Variants in ATRX observed in about 807,000 individuals in gnomAD.
The protein encoded by ATRX is chromatin remodeler ATRX.
A neutral mutation model predicts 172.6 loss-of-function variants in ATRX; 12 were observed. That is an observed-to-expected ratio of 0.07 (90% confidence interval 0.04 to 0.11). The LOEUF is 0.11. Among genes scored for constraint, ATRX ranks in the 10% least tolerant of loss-of-function variants. The pLI is 1.00. For missense variants in ATRX, 1,368 were observed against 1,767.4 expected, an observed-to-expected ratio of 0.77 and a Z score of 4.05; for synonymous variants, 674 against 594.7, an observed-to-expected ratio of 1.13 and a Z score of -1.94.
At chrX:77,735,526 A>AGCTTGCAGT (rs1209953812) in intron 1 of ATRX, among the ~76,000 whole-genome samples, 1 of 109,044 alleles carries the variant, frequency 9.2e-6, no homozygotes, top group Non-Finnish European at 1.9e-5. Context: ...CGGGAGGCGG[A>AGCTTGCAGT]GCTTGCAGTG....
chrX:77,711,864 T>C (rs2073129065), intron 2 of ATRX, among the ~76,000 whole-genome samples: 1 of 111,786 alleles, frequency 8.9e-6, no homozygotes, highest in South Asian at 3.7e-4. Flanking sequence ...AACAAACAGA[T>C]AGTTAACTTA....
intron 1 of ATRX, among the ~76,000 whole-genome samples, chrX:77,779,935 T>G (rs1327445838): frequency 8.9e-6 from 1 of 111,952 alleles, no homozygotes; most frequent in East Asian, 2.8e-4. Context: ...GCAGCTACAG[T>G]GCAAAATTCA....
At chrX:77,610,868 T>A (rs1022960271) in intron 22 of ATRX, among the ~76,000 whole-genome samples, 1 of 108,488 alleles carries the variant, frequency 9.2e-6, no homozygotes, top group South Asian at 3.9e-4. Flanking sequence ...TTCATTATTA[T>A]AAATAATGCC....
chrX:77,704,951 T>C lies in ATRX; in HGVS notation c.134-6322A>G, dbSNP rs781890476. ...TGGGGCAGGGCTCCTGCCTGCCCCA[T>C]AAAGCAGGAGGCCCAGGTCTATACC... On this transcript the variant is annotated intron_variant, in intron 2 of 34. Coordinates refer to ENST00000373344, the MANE Select transcript of ATRX (RefSeq NM_000489.6). 1.6e-4 allele frequency among the ~76,000 whole-genome samples: 18 copies of C among 109,370 alleles called. No individual in the cohort carries two copies. The East Asian group carries it at 4.8e-3, about 29-fold the overall frequency. The allele number at this position is 109,370 out of a possible 115,157, so 95.0% of individuals were successfully genotyped here.
At chrX:77,749,874 T>C (rs2075234409) in intron 1 of ATRX, among the ~76,000 whole-genome samples, 1 of 110,681 alleles carries the variant, frequency 9.0e-6, no homozygotes, top group South Asian at 3.8e-4. Context: ...CCATTAGTCA[T>C]GGACACTGTC....
At chrX:77,705,858 C>T (rs1331168168) in intron 2 of ATRX, among the ~76,000 whole-genome samples, 10 of 112,575 alleles carry the variant, frequency 8.9e-5, no homozygotes, top group African/African-American at 1.9e-4. Context: ...CAAAACTACA[C>T]AACAACTTTG....
intron 28 of ATRX, among the ~76,000 whole-genome samples, chrX:77,571,005 A>G (rs2065392420): frequency 9.0e-6 from 1 of 110,569 alleles, no homozygotes; most frequent in Non-Finnish European, 1.9e-5. Context: ...TAAGACCACA[A>G]TAAGATACCA....
chrX:77,564,437 G>C (rs1284880699), intron 28 of ATRX, among the ~76,000 whole-genome samples: 1 of 110,637 alleles, frequency 9.0e-6, no homozygotes, highest in African/African-American at 3.3e-5. Context: ...CCACACTGGA[G>C]TGCAATGGCA....
intron 30 of ATRX, among the ~76,000 whole-genome samples, chrX:77,553,651 T>C (rs1184295169): frequency 8.9e-6 from 1 of 111,891 alleles, no homozygotes; most frequent in African/African-American, 3.2e-5. Context: ...ATGTTATGCA[T>C]GTGCTTCTTT....
intron 29 of ATRX, 90 bp from the exon 30 acceptor site, chrX:77,557,735 GA>G: frequency 1.2e-6 from 1 of 830,006 alleles, no homozygotes; most frequent in Non-Finnish European, 1.7e-6. Context: ...TGGTTAATAT[GA>G]AATGGTAAAA....
chrX:77,674,943 C>A (rs563556703), intron 10 of ATRX: 3 of 111,500 alleles, frequency 2.7e-5, no homozygotes, highest in African/African-American at 9.7e-5. Flanking sequence ...CAAGCAGAAT[C>A]TGAATATTTG....
At chrX:77,671,405 T>C (rs2070610796) in intron 10 of ATRX, among the ~76,000 whole-genome samples, 2 of 106,999 alleles carry the variant, frequency 1.9e-5, no homozygotes, top group Admixed American at 2.0e-4. Flanking sequence ...TTTAAAAAAA[T>C]CTTGGAGGTA....
intron 27 of ATRX, among the ~76,000 whole-genome samples, chrX:77,584,935 T>A (rs782284715): frequency 9.0e-6 from 1 of 111,402 alleles, no homozygotes; most frequent in Non-Finnish European, 1.9e-5. Context: ...AACCGGAATA[T>A]ATAAAGAACT....
intron 22 of ATRX, chrX:77,616,201 T>G (rs2067352710): frequency 1.2e-6 from 1 of 834,728 alleles, no homozygotes; most frequent in Admixed American, 6.8e-5. Context: ...TATTTTACTT[T>G]TGCCTTCAAC....
intron 30 of ATRX, among the ~76,000 whole-genome samples, chrX:77,527,125 A>T (rs1276196931): frequency 8.9e-6 from 1 of 112,408 alleles, no homozygotes; most frequent in Non-Finnish European, 1.9e-5. Flanking sequence ...AAACCAGGAA[A>T]TAACTACCAG....
chrX:77,672,060 A>G (rs1439331836), intron 10 of ATRX, among the ~76,000 whole-genome samples: 5 of 111,303 alleles, frequency 4.5e-5, no homozygotes, highest in African/African-American at 1.6e-4. Flanking sequence ...TGTGCTATAC[A>G]GACAAAGGAA....
chrX:77,686,500 G>C (rs1172796631), intron 7 of ATRX, among the ~76,000 whole-genome samples: 1 of 111,806 alleles, frequency 8.9e-6, no homozygotes, highest in African/African-American at 3.3e-5. Flanking sequence ...TGGATCACCT[G>C]AGGTCAGGAG....
chrX:77,629,999 C>CA (rs2068041210), intron 19 of ATRX, among the ~76,000 whole-genome samples: 1 of 112,407 alleles, frequency 8.9e-6, no homozygotes, highest in South Asian at 3.6e-4. Flanking sequence ...CGCACACATA[C>CA]AACTATTAGA....
intron 2 of ATRX, 39 bp from the exon 3 acceptor site, chrX:77,698,668 G>T: frequency 9.3e-7 from 1 of 1,076,830 alleles, no homozygotes; most frequent in Non-Finnish European, 1.3e-6. Flanking sequence ...TTATCTCTTC[G>T]ATGCATTATC....
Sources: gnomAD v4.1 joint callset for allele counts (sites outside exome capture counted in the v4.1 genomes callset) on GRCh38, gnomAD v4.1.1 for gene constraint, MANE v1.5 for transcripts, NCBI Gene and HGNC (gene_info 2026-07-23, HGNC 2026-07-21) for gene names.